KCNG3: variants seen among roughly 807,000 people sequenced by gnomAD.
KCNG3 encodes the protein voltage-gated potassium channel regulatory subunit KCNG3.
A neutral mutation model predicts 29.0 loss-of-function variants in KCNG3; 15 were observed. That is an observed-to-expected ratio of 0.52 (90% CI 0.35 to 0.80). The LOEUF (loss-of-function observed/expected upper bound fraction) is 0.80. KCNG3 is among the 30% of genes least tolerant of loss of function. KCNG3 has a pLI of 0.01. For missense variants in KCNG3, 512 were observed against 605.7 expected (o/e 0.85, Z 1.62); for synonymous variants, 322 against 248.9 (o/e 1.29, Z -2.76).
Position 42,493,611 on chromosome 2 carries a change from G to C in KCNG3, c.-110C>G. On this transcript the variant is annotated 5_prime_UTR_variant, in exon 1 of 2. Coordinates refer to ENST00000306078, the MANE Select transcript of KCNG3 (RefSeq NM_133329.6). ...GGCTGACGGGGGAGCGCGCCGTCGG[G>C]GCCCGCGCTCCCTCGGGGCTCCGCT... The C allele has an allele frequency of 2.0e-6, 2 of 996,316 alleles. No homozygotes were observed. Among genetic ancestry groups the C allele is most frequent in the Non-Finnish European group, 2.6e-6 (2 of 776,132 alleles). The allele number at this position is 996,316 out of a possible 1,614,324, so 61.7% of individuals were successfully genotyped here. A position where few individuals can be genotyped will look rare whatever the true frequency, so the allele number is the denominator to read the frequency against.
the KCNG3 span, among the ~76,000 whole-genome samples, chr2:42,419,197 C>A: frequency 8.1e-6 from 1 of 123,874 alleles, no homozygotes; most frequent in African/African-American, 3.0e-5. Flanking sequence ...CAGGTGGTCA[C>A]AATAAAGCTC....
At chr2:42,483,114 C>T (rs1188652234) in intron 1 of KCNG3, among the ~76,000 whole-genome samples, 1 of 151,988 alleles carries the variant, frequency 6.6e-6, no homozygotes. Flanking sequence ...GATCAAGACC[C>T]TGTCTCAAAA....
At chr2:42,432,628 C>A in the KCNG3 span, among the ~76,000 whole-genome samples, 3 of 152,224 alleles carry the variant, frequency 2.0e-5, no homozygotes, top group South Asian at 6.2e-4. Flanking sequence ...CCAACAGAAG[C>A]AAGTAATCTT....
At chr2:42,458,693 G>C (rs1672939872) in intron 1 of KCNG3, among the ~76,000 whole-genome samples, 1 of 152,078 alleles carries the variant, frequency 6.6e-6, no homozygotes, top group South Asian at 2.1e-4. Context: ...CTGCAGTGTA[G>C]CCCGAGGTAG....
At chr2:42,404,476 C>G in the KCNG3 span, among the ~76,000 whole-genome samples, 2 of 152,144 alleles carry the variant, frequency 1.3e-5, no homozygotes, top group African/African-American at 4.8e-5. Context: ...ACCTGTAATC[C>G]CAGCACTTTG....
the KCNG3 span, among the ~76,000 whole-genome samples, chr2:42,420,488 T>C: frequency 6.6e-6 from 1 of 152,096 alleles, no homozygotes; most frequent in Non-Finnish European, 1.5e-5. Context: ...CCTTGGCACT[T>C]GATTCAGATT....
chr2:42,482,079 C>T (rs1363894747), intron 1 of KCNG3, among the ~76,000 whole-genome samples: 1 of 152,164 alleles, frequency 6.6e-6, no homozygotes, highest in Non-Finnish European at 1.5e-5. Flanking sequence ...CTGCCTCAGC[C>T]TCCCAAACAG....
chr2:42,434,877 C>A, the KCNG3 span, among the ~76,000 whole-genome samples: 6 of 152,188 alleles, frequency 3.9e-5, no homozygotes, highest in South Asian at 1.2e-3. Flanking sequence ...AAAGACTGAT[C>A]TTTTCAACAA....
At chr2:42,446,665 T>C (rs1305467155) in intron 1 of KCNG3, among the ~76,000 whole-genome samples, 1 of 152,108 alleles carries the variant, frequency 6.6e-6, no homozygotes, top group Non-Finnish European at 1.5e-5. Context: ...TCAAAGTGCA[T>C]TCCACAGAAC....
At chr2:42,409,243 G>T in the KCNG3 span, among the ~76,000 whole-genome samples, 2 of 152,072 alleles carry the variant, frequency 1.3e-5, no homozygotes, top group African/African-American at 4.8e-5. Context: ...GGTACCACTG[G>T]CCACAGAGGT....
At chr2:42,489,252 T>G (rs982255001) in intron 1 of KCNG3, among the ~76,000 whole-genome samples, 1 of 151,848 alleles carries the variant, frequency 6.6e-6, no homozygotes, top group African/African-American at 2.4e-5. Flanking sequence ...TCACTGGGCG[T>G]GGTAGCTCAT....
intron 1 of KCNG3, among the ~76,000 whole-genome samples, chr2:42,446,013 C>T (rs934215529): frequency 1.2e-4 from 18 of 151,990 alleles, no homozygotes; most frequent in African/African-American, 4.1e-4. Flanking sequence ...AGCCATGAGC[C>T]ACCACACCCA....
the KCNG3 span, among the ~76,000 whole-genome samples, chr2:42,422,507 A>C: frequency 6.6e-6 from 1 of 152,276 alleles, no homozygotes; most frequent in East Asian, 1.9e-4. Flanking sequence ...AGACACTGAC[A>C]ATACTCCTAA....
intron 1 of KCNG3, among the ~76,000 whole-genome samples, chr2:42,467,478 G>C (rs1673169860): frequency 6.6e-6 from 1 of 152,174 alleles, no homozygotes; most frequent in South Asian, 2.1e-4. Context: ...GACCAGCCTG[G>C]CCAACATGGT....
Position 42,470,943 on chromosome 2 carries a change from G to C in KCNG3, c.665+21894C>G, listed in dbSNP as rs979892679. Among the ~76,000 whole-genome samples, 87 of 152,124 alleles carry C rather than the reference G, an allele frequency of 5.7e-4. 2 individuals are homozygous for C. The highest frequency in any genetic ancestry group is 1.5e-4 in the Non-Finnish European group (10 of 68,026). ...GGAGGCAAAAGTGGAAGGATCACTT[G>C]AGGATCGAGACCAGCCTGGGCAACA... is the stretch of plus-strand genomic sequence containing the variant. On this transcript the variant is annotated intron_variant, in intron 1 of 1. Coordinates refer to ENST00000306078, the MANE Select transcript of KCNG3 (RefSeq NM_133329.6).
intron 1 of KCNG3, among the ~76,000 whole-genome samples, chr2:42,461,561 G>A (rs774883326): frequency 1.1e-4 from 17 of 152,148 alleles, no homozygotes; most frequent in Non-Finnish European, 1.9e-4. Flanking sequence ...AGAGATGACA[G>A]CAGCAGAAAC....
the KCNG3 span, among the ~76,000 whole-genome samples, chr2:42,390,581 T>G: frequency 0.018 from 2,755 of 152,186 alleles, 94 homozygotes; most frequent in African/African-American, 0.062. Flanking sequence ...AAGACAAAAA[T>G]TTTAAAACCC....
chr2:42,448,450 G>T (rs1420331207), intron 1 of KCNG3, among the ~76,000 whole-genome samples: 1 of 151,662 alleles, frequency 6.6e-6, no homozygotes, highest in African/African-American at 2.4e-5. Context: ...TGAAATGGTG[G>T]CTTTTATCAT....
chr2:42,401,499 C>T, the KCNG3 span, among the ~76,000 whole-genome samples: 5 of 151,758 alleles, frequency 3.3e-5, no homozygotes, highest in Non-Finnish European at 7.4e-5. Flanking sequence ...TGGAGTGCAG[C>T]GGTGCAATCA....
Sources: allele counts gnomAD v4.1 joint callset (sites outside exome capture counted in the v4.1 genomes callset), GRCh38; gene constraint gnomAD v4.1.1; transcripts MANE v1.5; gene names NCBI Gene and HGNC (gene_info 2026-07-23, HGNC 2026-07-21).